ANKS1B: variants seen among roughly 807,000 people sequenced by gnomAD.
ANKS1B encodes the protein ankyrin repeat and sterile alpha motif domain-containing protein 1B.
ANKS1B carries 36 observed loss-of-function variants against 148.3 expected under a neutral mutation model. The observed-to-expected ratio is 0.24, with a 90% CI of 0.19 to 0.32. The LOEUF is 0.32. Among genes scored for constraint, ANKS1B ranks in the 10% least tolerant of loss-of-function variants. The pLI is 1.00. For synonymous variants in ANKS1B, 542 were observed against 560.8 expected, an observed-to-expected ratio of 0.97 and a Z score of 0.47; for missense variants, 1,157 against 1,542.6, an observed-to-expected ratio of 0.75 and a Z score of 4.19.
Position 98,751,320 on chromosome 12 carries a change from A to G in ANKS1B, c.3747+35T>C, listed in dbSNP as rs748190855. 1 of 1,606,520 alleles carries G rather than the reference A, an allele frequency of 6.2e-7. No individual in the cohort carries two copies. Among genetic ancestry groups the G allele is most frequent in the Non-Finnish European group, 8.5e-7 (1 of 1,176,414 alleles). ...TAGCAGCCCCTTTTCCTCCTGTTCA[A>G]GGTTTTTTAGAACATCTGTATCGTT... On this transcript the variant is annotated intron_variant, in intron 26 of 26. Coordinates refer to ENST00000683438, the MANE Select transcript of ANKS1B (RefSeq NM_001352186.2). This position sits in a 1 kb window ranked among gnomAD's most constrained non-coding sequence, Gnocchi z 4.3.
At position 99,655,023 on chromosome 12, in the gene ANKS1B, A is replaced by C. The variant is rs774421654; in HGVS notation, c.1272+44T>G. The C allele has an allele frequency of 1.2e-5, 18 of 1,528,468 alleles. No individual in the cohort carries two copies. In the South Asian group the frequency reaches 2.3e-4, roughly 20 times the overall value. The allele number at this position is 1,528,468 out of a possible 1,614,324, so 94.7% of individuals were successfully genotyped here. ...GAGATTTTATCTTAAAAACATAGGC[A>C]ACCATTTTTGTTTTATTGTACCTTA... On this transcript the variant is annotated intron_variant, in intron 9 of 26. Transcript: ENST00000683438.
intron 19 of ANKS1B, among the ~76,000 whole-genome samples, chr12:98,826,955 C>A: frequency 6.6e-6 from 1 of 151,822 alleles, no homozygotes; most frequent in African/African-American, 2.4e-5. Context: ...AGTATTACAG[C>A]AAATGACCAA....
At chr12:99,628,297 C>T (rs2098128612) in intron 9 of ANKS1B, among the ~76,000 whole-genome samples, 1 of 152,144 alleles carries the variant, frequency 6.6e-6, no homozygotes, top group Non-Finnish European at 1.5e-5. Context: ...TTCCTGACCA[C>T]GTCTCATTTA....
intron 1 of ANKS1B, among the ~76,000 whole-genome samples, chr12:99,978,906 G>C (rs989976670): frequency 2.0e-5 from 3 of 152,000 alleles, no homozygotes; most frequent in African/African-American, 4.8e-5. Context: ...TCAACTCTTC[G>C]AGGCATTAAG....
chr12:99,962,959 G>A (rs993933690), intron 1 of ANKS1B, among the ~76,000 whole-genome samples: 37 of 151,992 alleles, frequency 2.4e-4, no homozygotes, highest in African/African-American at 8.9e-4. Context: ...GACTACAGGC[G>A]CCCACCACCA....
At chr12:99,039,443 C>G (rs972776381) in intron 17 of ANKS1B, among the ~76,000 whole-genome samples, 1 of 152,258 alleles carries the variant, frequency 6.6e-6, no homozygotes, top group African/African-American at 2.4e-5. Context: ...TGTGAACATA[C>G]AGCTGAGCCC....
intron 8 of ANKS1B, among the ~76,000 whole-genome samples, chr12:99,668,610 G>A (rs1384155431): frequency 6.6e-6 from 1 of 151,820 alleles, no homozygotes; most frequent in Non-Finnish European, 1.5e-5. Flanking sequence ...ACTAGATTAT[G>A]ATGTATCTTT....
chr12:98,813,215 T>TG (rs1377273254), intron 19 of ANKS1B, among the ~76,000 whole-genome samples: 1 of 150,206 alleles, frequency 6.7e-6, no homozygotes, highest in African/African-American at 2.4e-5. Context: ...GTTTTTTTGT[T>TG]TTTTTTTTTT....
At position 99,863,213 on chromosome 12, in the gene ANKS1B, A is replaced by G. The variant is rs7962559; in HGVS notation, c.135-37824T>C. 1.9e-3 allele frequency among the ~76,000 whole-genome samples: 295 copies of G among 152,140 alleles called. 1 individual carries two copies. Among genetic ancestry groups the G allele is most frequent in the African/African-American group, 6.9e-3 (286 of 41,484 alleles). On this transcript the variant is annotated intron_variant, in intron 1 of 26. Transcript: ENST00000683438. ...ATCCTTGACCTCTCTCCAAAGTCCA[A>G]TCATGCATTTCCAGGCCCTGCCAAT...
intron 17 of ANKS1B, among the ~76,000 whole-genome samples, chr12:98,867,582 C>T (rs146272608): frequency 7.9e-5 from 12 of 152,272 alleles, no homozygotes; most frequent in Non-Finnish European, 1.6e-4. Context: ...GTCAGTTTGT[C>T]GGGCGCAGTG....
At chr12:98,981,983 G>T (rs910718607) in intron 17 of ANKS1B, among the ~76,000 whole-genome samples, 1 of 152,106 alleles carries the variant, frequency 6.6e-6, no homozygotes, top group African/African-American at 2.4e-5. Flanking sequence ...CTTTATAAAG[G>T]ACATTAAACT....
chr12:99,089,807 T>A (rs1007721527), intron 15 of ANKS1B, among the ~76,000 whole-genome samples: 16 of 152,198 alleles, frequency 1.1e-4, no homozygotes, highest in African/African-American at 3.6e-4. Context: ...AAATGACAAG[T>A]CCAATCACTA....
At chr12:99,472,731 T>C (rs113809061) in intron 10 of ANKS1B, among the ~76,000 whole-genome samples, 2,915 of 152,124 alleles carry the variant, frequency 0.019, 48 homozygotes, top group Middle Eastern at 0.034. Context: ...GTAGTAACAA[T>C]GCTGTCATCA....
intron 14 of ANKS1B, among the ~76,000 whole-genome samples, chr12:99,210,241 T>C (rs2083172521): frequency 1.3e-5 from 2 of 152,192 alleles, no homozygotes; most frequent in Admixed American, 1.3e-4. Context: ...ATAAACCCTG[T>C]CTTTGACAGT....
intron 20 of ANKS1B, among the ~76,000 whole-genome samples, chr12:98,803,351 C>G (rs534251713): frequency 7.2e-5 from 11 of 152,204 alleles, no homozygotes; most frequent in Non-Finnish European, 1.3e-4. Flanking sequence ...AAATCATCCT[C>G]TAATCTCCCC....
At chr12:99,897,884 A>T (rs1324204735) in intron 1 of ANKS1B, among the ~76,000 whole-genome samples, 1 of 150,396 alleles carries the variant, frequency 6.6e-6, no homozygotes, top group Non-Finnish European at 1.5e-5. Context: ...GAAAACTACC[A>T]TCCAGCAAAC....
At chr12:99,680,070 A>G (rs1207089619) in intron 8 of ANKS1B, among the ~76,000 whole-genome samples, 1 of 152,226 alleles carries the variant, frequency 6.6e-6, no homozygotes, top group Non-Finnish European at 1.5e-5. Flanking sequence ...GGGGAACCTG[A>G]AAATCCAGAC....
intron 13 of ANKS1B, 129 bp downstream of exon 13, chr12:99,246,146 A>G (rs1385483938): frequency 6.0e-6 from 4 of 672,102 alleles, no homozygotes; most frequent in Non-Finnish European, 9.5e-6. Context: ...GAACCATTTC[A>G]TTCCAGTTGG....
chr12:98,888,205 A>G (rs1159213701), intron 17 of ANKS1B, among the ~76,000 whole-genome samples: 7 of 152,248 alleles, frequency 4.6e-5, no homozygotes, highest in Admixed American at 3.3e-4. Flanking sequence ...CCAAGATAGT[A>G]ACAGATATTA....
Sources: allele counts gnomAD v4.1 joint callset (sites outside exome capture counted in the v4.1 genomes callset), GRCh38; gene constraint gnomAD v4.1.1; non-coding constraint Gnocchi (gnomAD v3.1); transcripts MANE v1.5; gene names NCBI Gene and HGNC (gene_info 2026-07-23, HGNC 2026-07-21).